The following MINAR1 variants were observed in gnomAD, a reference collection of about 807,000 sequenced individuals.
The protein encoded by MINAR1 is membrane integral NOTCH2 associated receptor 1.
MINAR1 carries 40 observed loss-of-function variants against 65.1 expected under a neutral mutation model. That is an observed-to-expected ratio of 0.61 (90% CI 0.48 to 0.80). The LOEUF is 0.80. Ranked by LOEUF, MINAR1 falls within the 30% of genes least tolerant of loss-of-function variation. MINAR1 has a pLI of 0.00. For synonymous variants in MINAR1, 482 were observed against 449.1 expected (o/e 1.07, Z -0.93); for missense variants, 1,128 against 1,148.0 (o/e 0.98, Z 0.25).
At chr15:79,442,065 G>GT (rs145585936) in intron 1 of MINAR1, among the ~76,000 whole-genome samples, 3,502 of 133,544 alleles carry the variant, frequency 0.026, 55 homozygotes, top group African/African-American at 0.049. Context: ...TTTTTTTACT[G>GT]TTTTTTTTTT....
At chr15:79,453,360 C>A (rs994433152) in intron 1 of MINAR1, among the ~76,000 whole-genome samples, 9 of 152,110 alleles carry the variant, frequency 5.9e-5, no homozygotes, top group African/African-American at 2.2e-4. Context: ...CCCCTAACCC[C>A]ATACAGGACC....
chr15:79,462,935 TTTTGA>T (rs1333958542), intron 2 of MINAR1, 127 bp from the exon 3 acceptor site: 4 of 925,520 alleles, frequency 4.3e-6, no homozygotes, highest in Non-Finnish European at 1.6e-6. Context: ...GCTTTCATAC[TTTTGA>T]TTTGGCTGGA....
At chr15:79,468,049 T>G in intron 3 of MINAR1, 138 bp from the exon 4 acceptor site, 1 of 655,334 alleles carries the variant, frequency 1.5e-6, no homozygotes, top group Non-Finnish European at 2.7e-6. Flanking sequence ...ATGGGGCTGG[T>G]GGGGCAGTGT....
chr15:79,460,612 C>T (rs1595951136), intron 2 of MINAR1, among the ~76,000 whole-genome samples: 1 of 152,298 alleles, frequency 6.6e-6, no homozygotes, highest in African/African-American at 2.4e-5. Flanking sequence ...GGCACATTCT[C>T]ACCTTCCATC....
upstream of MINAR1, among the ~76,000 whole-genome samples, chr15:79,429,453 T>C (rs1894390231): frequency 6.6e-6 from 1 of 152,206 alleles, no homozygotes; most frequent in Non-Finnish European, 1.5e-5. Flanking sequence ...TTACACCACA[T>C]TGGGTTTTCA....
At position 79,457,565 on chromosome 15, in the gene MINAR1, G is replaced by A; in HGVS notation, c.1418G>A (p.Ser473Asn). The part of the protein sequence containing the change: ...TSGQLSSDTS[S>N]VGTQTEHVLE... ...GGGCAGCTCAGCTCAGACACCAGTA[G>A]CGTGGGCACCCAGACTGAGCACGTG... The change falls in exon 2 of 4, where the codon AGC becomes AAC. Residue 473 changes from serine to asparagine, a missense_variant. By Grantham distance (46) the Ser-to-Asn change is conservative. Coordinates refer to ENST00000305428, the MANE Select transcript of MINAR1 (RefSeq NM_015206.3). The A allele has an allele frequency of 6.2e-7, 1 of 1,614,192 alleles. No individual in the cohort carries two copies. The highest frequency in any genetic ancestry group is 8.5e-7 in the Non-Finnish European group (1 of 1,180,028).
At chr15:79,461,913 G>A (rs1471515865) in intron 2 of MINAR1, among the ~76,000 whole-genome samples, 1 of 152,184 alleles carries the variant, frequency 6.6e-6, no homozygotes, top group Non-Finnish European at 1.5e-5. Context: ...CCCTATGCAA[G>A]TGTATAGGTC....
chr15:79,434,287 T>A (rs1894534051), intron 1 of MINAR1, among the ~76,000 whole-genome samples: 2 of 152,222 alleles, frequency 1.3e-5, no homozygotes, highest in South Asian at 4.1e-4. Context: ...ATAATGCGAT[T>A]TTTTTTCTGG....
the MINAR1 span, chr15:79,421,483 T>G: frequency 6.6e-6 from 1 of 152,312 alleles, no homozygotes; most frequent in Non-Finnish European, 1.5e-5. Flanking sequence ...TCTCTCTCCC[T>G]TCAGCCACAG....
At position 79,446,337 on chromosome 15, in the gene MINAR1, A is replaced by G. The variant is rs79442165; in HGVS notation, c.-50-9761A>G. ...GATACATGATTAGAATTAACTATAT[A>G]TTTATCACCTTATTTCCTCTGGATT... On this transcript the variant is annotated intron_variant, in intron 1 of 3. Coordinates refer to ENST00000305428, the MANE Select transcript of MINAR1 (RefSeq NM_015206.3). Among the ~76,000 whole-genome samples, 934 of 152,212 alleles carry G rather than the reference A, an allele frequency of 6.1e-3. 37 individuals carry two copies. In the East Asian group the frequency reaches 0.11, roughly 18 times the overall value.
intron 2 of MINAR1, among the ~76,000 whole-genome samples, chr15:79,460,816 C>A (rs1895617412): frequency 3.9e-5 from 6 of 152,250 alleles, no homozygotes; most frequent in Admixed American, 3.9e-4. Flanking sequence ...CTTGACTGGA[C>A]CCTGCTCTAC....
intron 1 of MINAR1, among the ~76,000 whole-genome samples, chr15:79,437,888 G>T (rs56651721): frequency 0.2 from 2,073 of 10,522 alleles, 535 homozygotes; most frequent in African/African-American, 0.36. Context: ...GGTGGGTAGT[G>T]AGTGTGGAGT....
the MINAR1 span, chr15:79,412,812 A>G: frequency 6.6e-6 from 1 of 152,286 alleles, no homozygotes; most frequent in Non-Finnish European, 1.5e-5. Context: ...GGCACCACCC[A>G]TTGGAGTGTT....
At chr15:79,464,602 T>A (rs189823542) in intron 3 of MINAR1, among the ~76,000 whole-genome samples, 41 of 152,362 alleles carry the variant, frequency 2.7e-4, no homozygotes, top group African/African-American at 8.9e-4. Flanking sequence ...TGTTAAGGGT[T>A]TAGTGGAGTT....
intron 2 of MINAR1, among the ~76,000 whole-genome samples, chr15:79,459,876 G>C (rs1285913280): frequency 2.0e-5 from 3 of 152,204 alleles, no homozygotes; most frequent in Non-Finnish European, 2.9e-5. Flanking sequence ...CCCAGATCCA[G>C]TCCTCCCCTT....
rs138901860 is a variant in MINAR1 at position 79,456,441 on chromosome 15, C to A, written c.294C>A (p.Gly98=). 6.2e-7 allele frequency: 1 copy of A among 1,614,040 alleles called. No homozygotes were observed. Among genetic ancestry groups the A allele is most frequent in the African/African-American group, 1.3e-5 (1 of 74,914 alleles). The change falls in exon 2 of 4, where the codon GGC becomes GGA. Residue 98 remains glycine, a synonymous_variant. Coordinates refer to ENST00000305428, the MANE Select transcript of MINAR1 (RefSeq NM_015206.3). ...VTIFNLIQMN[G]GAAKEKLPTG... ...TATTCAACCTGATCCAAATGAATGG[C>A]GGGGCTGCCAAGGAGAAGCTGCCCA...
rs766575910 is a variant in MINAR1, at chr15:79,458,368, C to T, written c.2221C>T (p.Arg741Cys). The T allele has an allele frequency of 2.1e-5, 34 of 1,614,058 alleles. No individual in the cohort carries two copies. Among genetic ancestry groups the T allele is most frequent in the South Asian group, 6.6e-5 (6 of 91,086 alleles). ...RDWRTITYTN[R>C]VGLNEEEIKD... is the part of the protein sequence containing the mutation. ...CTGGCGCACCATCACTTATACCAACCGTGTGGGCCTCAATGAGGAGGAGAT... is the reference window on the plus strand; with the variant it reads ...CTGGCGCACCATCACTTATACCAACTGTGTGGGCCTCAATGAGGAGGAGAT... Residue 741 changes from arginine (R) to cysteine (C), a missense_variant, in exon 2 of 4, where the codon CGT becomes TGT. Coordinates refer to ENST00000305428, the MANE Select transcript of MINAR1 (RefSeq NM_015206.3).
At position 79,469,535 on chromosome 15, in the gene MINAR1, ATATGTCTATCTATCTATCTATATGTC is replaced by A. The variant is rs1895998271; in HGVS notation, c.*1155_*1180del. ...ATATTATCTGTTTAACCACTTATCT[ATATGTCTATCTATCTATCTATATGTC>A]TATCTATCTATCTAAATACTTGATT... On this transcript the variant is annotated 3_prime_UTR_variant, in exon 4 of 4. Transcript: ENST00000305428. 6.6e-6 allele frequency: 1 copy of A among 151,596 alleles called. No homozygotes were observed. The highest frequency in any genetic ancestry group is 1.5e-5 in the Non-Finnish European group (1 of 67,860). 9.4% of individuals were successfully genotyped at this position (151,596 alleles called of 1,614,324 possible).
intron 2 of MINAR1, among the ~76,000 whole-genome samples, chr15:79,461,023 CCTTA>C (rs1895624817): frequency 6.6e-6 from 1 of 152,212 alleles, no homozygotes; most frequent in South Asian, 2.1e-4. Flanking sequence ...CGTCAAGGCC[CCTTA>C]CTTCATAAGT....
Sources: allele counts gnomAD v4.1 joint callset (sites outside exome capture counted in the v4.1 genomes callset), GRCh38; gene constraint gnomAD v4.1.1; transcripts MANE v1.5; gene names NCBI Gene and HGNC (gene_info 2026-07-23, HGNC 2026-07-21).